Variants in PHACTR2 observed in about 807,000 individuals in gnomAD.
The protein encoded by PHACTR2 is chromosome 6 open reading frame 56.
In PHACTR2, 30 loss-of-function variants were observed where a neutral mutation model predicts 76.0. That is an observed-to-expected ratio of 0.39 (90% CI 0.30 to 0.54). PHACTR2 has a LOEUF of 0.54. Among genes scored for constraint, PHACTR2 ranks in the 20% least tolerant of loss-of-function variants. The pLI, the probability that PHACTR2 is intolerant of heterozygous loss-of-function variation, is 0.61. For synonymous variants in PHACTR2, 292 were observed against 292.5 expected (o/e 1.00, Z 0.02); for missense variants, 696 against 781.1 (o/e 0.89, Z 1.30).
chr6:143,694,599 G>A (rs1777727720), intron 1 of PHACTR2, among the ~76,000 whole-genome samples: 1 of 152,184 alleles, frequency 6.6e-6, no homozygotes, highest in South Asian at 2.1e-4. Flanking sequence ...TGTCTTAGAT[G>A]TGTTTGAAAT....
chr6:143,669,122 G>A (rs1469114422), intron 1 of PHACTR2, among the ~76,000 whole-genome samples: 3 of 151,874 alleles, frequency 2.0e-5, no homozygotes, highest in African/African-American at 4.8e-5. Context: ...CCTTAATTTC[G>A]TTATTTACCC....
intron 1 of PHACTR2, among the ~76,000 whole-genome samples, chr6:143,681,072 G>A (rs191864084): frequency 1.5e-3 from 230 of 152,274 alleles, no homozygotes; most frequent in African/African-American, 5.1e-3. Context: ...TGAACTTAAT[G>A]TACAAGTTGT....
At chr6:143,606,535 A>G (rs1047537343), upstream of PHACTR2, among the ~76,000 whole-genome samples, 2 of 152,218 alleles carry the variant, frequency 1.3e-5, no homozygotes, top group African/African-American at 4.8e-5. Context: ...ATATTAGGCA[A>G]TAGGCACTGC....
intron 1 of PHACTR2, among the ~76,000 whole-genome samples, chr6:143,565,401 G>A (rs1775348553): frequency 6.6e-6 from 1 of 152,160 alleles, no homozygotes; most frequent in South Asian, 2.1e-4. Flanking sequence ...GGCGGATCAC[G>A]AGGTCAGGAG....
chr6:143,666,212 CT>C (rs1777032517), intron 1 of PHACTR2, among the ~76,000 whole-genome samples: 1 of 152,094 alleles, frequency 6.6e-6, no homozygotes. Flanking sequence ...TGAACTAATC[CT>C]TTTTTATGGC....
rs1197737190 is a variant in PHACTR2, at chr6:143,585,291, AG to A, written c.217+48086del. On this transcript the variant is annotated intron_variant, in intron 1 of 11. Coordinates refer to the PHACTR2 transcript ENST00000367584. This position sits in a 1 kb window ranked among gnomAD's most constrained non-coding sequence, Gnocchi z 5.2. ...GAAACCCAGCTAAGAAGTCACTGTCAGGAAGCAGGTCTGTCCATTGGAGCAA... is the reference window on the plus strand; with the variant it reads ...GAAACCCAGCTAAGAAGTCACTGTCAGAAGCAGGTCTGTCCATTGGAGCAA... Among the ~76,000 whole-genome samples, 1 of 152,212 alleles carries A rather than the reference AG, an allele frequency of 6.6e-6. No homozygotes were observed. Among genetic ancestry groups the A allele is most frequent in the African/African-American group, 2.4e-5 (1 of 41,458 alleles).
chr6:143,821,891 G>A lies in PHACTR2; in HGVS notation c.1923-1783G>A, dbSNP rs1342196033. Among the ~76,000 whole-genome samples the A allele has an allele frequency of 6.6e-6, 1 of 152,178 alleles. No homozygotes were observed. The highest frequency in any genetic ancestry group is 1.5e-5 in the Non-Finnish European group (1 of 68,022). ...TTGTAGTTTCAGCTACTTGGATGCT[G>A]AGGTGGGAGAATCACCTGAGCCCAG... On this transcript the variant is annotated intron_variant, in intron 12 of 12. Transcript: ENST00000440869. This position sits in a 1 kb window ranked among gnomAD's most constrained non-coding sequence, Gnocchi z 5.2.
rs1171372794 is a variant in PHACTR2 at position 143,562,991 on chromosome 6, G to A, written c.217+25784G>A. 6.6e-6 allele frequency among the ~76,000 whole-genome samples: 1 copy of A among 152,160 alleles called. No individual in the cohort carries two copies. Among genetic ancestry groups the A allele is most frequent in the Non-Finnish European group, 1.5e-5 (1 of 68,020 alleles). On this transcript the variant is annotated intron_variant, in intron 1 of 11. Coordinates refer to the PHACTR2 transcript ENST00000367584. The surrounding 1 kb of genome is among the most constrained non-coding windows in gnomAD (Gnocchi z 5.1). ...GGGGCTGGAGGAAAGGGGAGAAAAG[G>A]AGTTATTGTTTAACAGGTTTGGAGT...
chr6:143,771,156 A>ATG lies in PHACTR2; in HGVS notation c.1233-1100_1233-1099dup, dbSNP rs1554227161. Among the ~76,000 whole-genome samples, 13 of 40,158 alleles carry ATG rather than the reference A, an allele frequency of 3.2e-4. 1 individual carries two copies. Among genetic ancestry groups the ATG allele is most frequent in the African/African-American group, 9.7e-4 (8 of 8,222 alleles). The allele number at this position is 40,158 out of a possible 152,430, so 26.3% of individuals were successfully genotyped here. A position where few individuals can be genotyped will look rare whatever the true frequency, so the allele number is the denominator to read the frequency against. On this transcript the variant is annotated intron_variant, in intron 6 of 12. Transcript: ENST00000440869. ...CATATATATATATGTATATATATAT[A>ATG]TGTATATATATATATATGTATATAT...
At position 143,611,843 on chromosome 6, in the gene PHACTR2, G is replaced by A. The variant is rs1775980633; in HGVS notation, c.13+3521G>A. On this transcript the variant is annotated intron_variant, in intron 1 of 11. Transcript: ENST00000305766. The surrounding 1 kb of genome is among the most constrained non-coding windows in gnomAD (Gnocchi z 4.4). ...GTAGAACTGGAAATTTATGTGGGTGGTGCAATGGGCATGGGGTTGGGGGAT... is the reference window on the plus strand; with the variant it reads ...GTAGAACTGGAAATTTATGTGGGTGATGCAATGGGCATGGGGTTGGGGGAT... Among the ~76,000 whole-genome samples, 1 of 152,162 alleles carries A rather than the reference G, an allele frequency of 6.6e-6. No individual in the cohort carries two copies. Among genetic ancestry groups the A allele is most frequent in the Non-Finnish European group, 1.5e-5 (1 of 68,034 alleles).
rs1582820740 is a variant in PHACTR2 at position 143,731,948 on chromosome 6, G to A, written c.215-17037G>A. Among the ~76,000 whole-genome samples the A allele has an allele frequency of 6.6e-6, 1 of 152,186 alleles. No homozygotes were observed. The highest frequency in any genetic ancestry group is 2.4e-5 in the African/African-American group (1 of 41,442). On this transcript the variant is annotated intron_variant, in intron 2 of 12. Transcript: ENST00000440869. This position sits in a 1 kb window ranked among gnomAD's most constrained non-coding sequence, Gnocchi z 4.9. ...TTTTAACTTGGGTAAGTTTAAGCAG[G>A]CCCTCTGGTGCTTTGAAATGGAAAA... is the stretch of plus-strand genomic sequence containing the variant.
intron 2 of PHACTR2, among the ~76,000 whole-genome samples, chr6:143,728,628 A>G (rs1282391585): frequency 6.6e-6 from 1 of 152,206 alleles, no homozygotes; most frequent in Non-Finnish European, 1.5e-5. Flanking sequence ...GTATTTGTAT[A>G]AAAACAGACA....
rs1052959734 is a variant in PHACTR2 at position 143,592,763 on chromosome 6, T to A, written c.217+55556T>A. On this transcript the variant is annotated intron_variant, in intron 1 of 11. Transcript: ENST00000367584. This position sits in a 1 kb window ranked among gnomAD's most constrained non-coding sequence, Gnocchi z 4.0. The stretch of plus-strand genomic sequence containing the variant: ...TTAGCTATTGTTAAGAATCCCAACC[T>A]TGGGCTGGGCACGGTGGCTCAAGCC... 2.6e-5 allele frequency among the ~76,000 whole-genome samples: 4 copies of A among 152,062 alleles called. No individual in the cohort carries two copies. Among genetic ancestry groups the A allele is most frequent in the Non-Finnish European group, 2.9e-5 (2 of 68,004 alleles).
chr6:143,746,508 C>T (rs947866320), intron 2 of PHACTR2, among the ~76,000 whole-genome samples: 4 of 152,158 alleles, frequency 2.6e-5, no homozygotes, highest in Non-Finnish European at 5.9e-5. Context: ...CCACCTTCAT[C>T]CTTAAGTTTA....
chr6:143,812,111 A>G (rs1776188797), intron 12 of PHACTR2, among the ~76,000 whole-genome samples: 1 of 151,826 alleles, frequency 6.6e-6, no homozygotes, highest in Non-Finnish European at 1.5e-5. Context: ...CTTCTCGGGC[A>G]CCTCTTTATC....
chr6:143,747,060 T>C (rs1026610184), intron 2 of PHACTR2, among the ~76,000 whole-genome samples: 1 of 152,212 alleles, frequency 6.6e-6, no homozygotes, highest in Non-Finnish European at 1.5e-5. Context: ...TTTTCCTGTT[T>C]GTTTCTATTC....
At chr6:143,685,961 G>A (rs749388165) in intron 1 of PHACTR2, among the ~76,000 whole-genome samples, 7 of 151,974 alleles carry the variant, frequency 4.6e-5, no homozygotes, top group Admixed American at 2.0e-4. Context: ...GTGAAACCCC[G>A]TCTCTATTAA....
Position 143,754,771 on chromosome 6 carries a change from T to A in PHACTR2, c.454+859T>A, listed in dbSNP as rs146857881. 6.6e-6 allele frequency among the ~76,000 whole-genome samples: 1 copy of A among 152,158 alleles called. No homozygotes were observed. Among genetic ancestry groups the A allele is most frequent in the African/African-American group, 2.4e-5 (1 of 41,418 alleles). On this transcript the variant is annotated intron_variant, in intron 4 of 12. Coordinates refer to ENST00000440869, the MANE Select transcript of PHACTR2 (RefSeq NM_001100164.2). The surrounding 1 kb of genome is among the most constrained non-coding windows in gnomAD (Gnocchi z 6.2). ...TGCCTCCATGCAGCATAGAAAGGAA[T>A]CTTTAGGAAATATACTATTTCCTAT...
At chr6:143,584,606 T>C (rs1775606282) in intron 1 of PHACTR2, among the ~76,000 whole-genome samples, 1 of 152,188 alleles carries the variant, frequency 6.6e-6, no homozygotes, top group African/African-American at 2.4e-5. Flanking sequence ...ATGTATAGGA[T>C]TTGATGTAAC....
Sources: gnomAD v4.1 joint callset for allele counts (sites outside exome capture counted in the v4.1 genomes callset) on GRCh38, gnomAD v4.1.1 for gene constraint, Gnocchi (gnomAD v3.1) non-coding constraint, MANE v1.5 for transcripts, NCBI Gene and HGNC (gene_info 2026-07-23, HGNC 2026-07-21) for gene names.